DNAH17: variants seen among roughly 807,000 people sequenced by gnomAD.
DNAH17 encodes dynein axonemal heavy chain 17, also known as axonemal beta dynein heavy chain 17.
DNAH17 carries 376 observed loss-of-function variants against 485.6 expected under a neutral mutation model. That is an observed-to-expected ratio of 0.77 (90% CI 0.71 to 0.84). The LOEUF is 0.84. Ranked by LOEUF, DNAH17 falls within the 40% of genes least tolerant of loss-of-function variation. The pLI is 0.00. For synonymous variants in DNAH17, 3,031 were observed against 2,405.9 expected (o/e 1.26, Z -7.60); for missense variants, 6,370 against 5,839.3 (o/e 1.09, Z -2.96).
rs148600049 is a variant in DNAH17, at chr17:78,506,134, T to A, written c.4803+586A>T. ...AAAATGCAAGCGCTTTCCCTTCACC[T>A]AGTTAATTTTTTTTTTTTTTTTTTG... is the stretch of plus-strand genomic sequence containing the variant. On this transcript the variant is annotated intron_variant, in intron 30 of 80. Coordinates refer to ENST00000389840, the MANE Select transcript of DNAH17 (RefSeq NM_173628.4). Among the ~76,000 whole-genome samples the A allele has an allele frequency of 9.5e-5, 8 of 84,108 alleles. 2 individuals are homozygous for A. Among genetic ancestry groups the A allele is most frequent in the Non-Finnish European group, 4.6e-5 (2 of 43,022 alleles). 55.2% of individuals were successfully genotyped at this position (84,108 alleles called of 152,430 possible). A position where few individuals can be genotyped will look rare whatever the true frequency, so the allele number is the denominator to read the frequency against.
chr17:78,568,310 A>T (rs1245077158), intron 9 of DNAH17, among the ~76,000 whole-genome samples: 1 of 151,972 alleles, frequency 6.6e-6, no homozygotes, highest in African/African-American at 2.4e-5. Context: ...TGCAATTTTG[A>T]ACTCCTGAGC....
At chr17:78,455,148 G>A (rs879368487) in intron 63 of DNAH17, among the ~76,000 whole-genome samples, 88 of 151,908 alleles carry the variant, frequency 5.8e-4, no homozygotes, top group Admixed American at 1.9e-3. Context: ...GACCTCAGGT[G>A]ATCTGCCTGC....
intron 71 of DNAH17, among the ~76,000 whole-genome samples, chr17:78,442,475 G>C (rs2087112221): frequency 6.6e-6 from 1 of 152,206 alleles, no homozygotes; most frequent in Non-Finnish European, 1.5e-5. Flanking sequence ...AATGGCCTCA[G>C]ACCCTAGATG....
intron 34 of DNAH17, 159 bp from the exon 35 acceptor site, chr17:78,501,503 C>A (rs958913858): frequency 2.0e-6 from 2 of 1,016,496 alleles, no homozygotes; most frequent in African/African-American, 1.6e-5. Flanking sequence ...GTATGGCCAC[C>A]CTCAGTGGAA....
At position 78,545,467 on chromosome 17, in the gene DNAH17, G is replaced by A. The variant is rs1015664472; in HGVS notation, c.2392-1470C>T. ...GTTCCAGGTGAGGGCTCTCTTCCTG[G>A]TGGGCAGATGATGATGGCCGCCTTC... On this transcript the variant is annotated intron_variant, in intron 16 of 80. Coordinates refer to ENST00000389840, the MANE Select transcript of DNAH17 (RefSeq NM_173628.4). Among the ~76,000 whole-genome samples, 5 of 152,170 alleles carry A rather than the reference G, an allele frequency of 3.3e-5. No individual in the cohort carries two copies. The East Asian group carries it at 5.8e-4, about 18-fold the overall frequency.
rs372690220 is a variant in DNAH17 at position 78,486,061 on chromosome 17, C to T, written c.7174G>A (p.Gly2392Arg). 6.2e-7 allele frequency: 1 copy of T among 1,613,750 alleles called. No homozygotes were observed. Among genetic ancestry groups the T allele is most frequent in the Non-Finnish European group, 8.5e-7 (1 of 1,179,884 alleles). Residue 2392 changes from glycine to arginine, a missense_variant, in exon 46 of 81, where the codon GGA (glycine) becomes AGA (arginine). Physicochemically the swap from Gly to Arg is moderately radical, Grantham distance 125. Coordinates refer to ENST00000389840, the MANE Select transcript of DNAH17 (RefSeq NM_173628.4). ...TCAATGTAGTAGTCAAAAATCGTTC[C>T]CTGCGAGGGGAACTTGATAGTCTTG... is the stretch of plus-strand genomic sequence containing the variant. ...EFKTIKFPSQ[G>R]TIFDYYIDPD...
chr17:78,519,181 A>G (rs1461410206), intron 25 of DNAH17, among the ~76,000 whole-genome samples: 13 of 151,124 alleles, frequency 8.6e-5, no homozygotes, highest in African/African-American at 2.9e-4. Flanking sequence ...AAAAAAAAAA[A>G]AAAAAAAAAA....
Position 78,530,323 on chromosome 17 carries a change from G to T in DNAH17, c.3284+20C>A. The stretch of plus-strand genomic sequence containing the variant: ...TCTGCACATTCCTTGGGCTCCCCGA[G>T]TACATGGCTGGGGACCCACCTGTTG... On this transcript the variant is annotated intron_variant, in intron 21 of 80. Coordinates refer to ENST00000389840, the MANE Select transcript of DNAH17 (RefSeq NM_173628.4). The T allele has an allele frequency of 1.3e-6, 2 of 1,593,550 alleles. No homozygotes were observed. Among genetic ancestry groups the T allele is most frequent in the Non-Finnish European group, 1.7e-6 (2 of 1,165,812 alleles).
At position 78,504,090 on chromosome 17, in the gene DNAH17, A is replaced by G. The variant is rs565436096; in HGVS notation, c.4957-1079T>C. On this transcript the variant is annotated intron_variant, in intron 31 of 80. Coordinates refer to ENST00000389840, the MANE Select transcript of DNAH17 (RefSeq NM_173628.4). Reference sequence around the variant, plus strand: ...GGGTAGATTTTTTTTTTTGGAGATGAAGTCTCACTCTATTACCCAGACTGG... The same window carrying G: ...GGGTAGATTTTTTTTTTTGGAGATGGAGTCTCACTCTATTACCCAGACTGG... Among the ~76,000 whole-genome samples, 58 of 150,952 alleles carry G rather than the reference A, an allele frequency of 3.8e-4. No homozygotes were observed. The South Asian group carries it at 4.0e-3, about 10-fold the overall frequency.
chr17:78,550,921 T>C (rs1024001744), intron 16 of DNAH17, among the ~76,000 whole-genome samples: 9 of 152,158 alleles, frequency 5.9e-5, no homozygotes, highest in African/African-American at 2.2e-4. Flanking sequence ...TTCCCGTCAA[T>C]TGAAAATTGA....
At position 78,560,177 on chromosome 17, in the gene DNAH17, A is replaced by G. The variant is rs150390220; in HGVS notation, c.2031+563T>C. On this transcript the variant is annotated intron_variant, in intron 13 of 80. Transcript: ENST00000389840. ...AGCTCTCTGACTGTCTGGATCACTA[A>G]TTTATCCCAAGCACATACATGTAGT... 1.9e-3 allele frequency among the ~76,000 whole-genome samples: 290 copies of G among 152,298 alleles called. 1 individual carries two copies. The highest frequency in any genetic ancestry group is 6.8e-3 in the African/African-American group (281 of 41,558).
intron 56 of DNAH17, among the ~76,000 whole-genome samples, chr17:78,463,426 A>G (rs919551533): frequency 1.9e-4 from 28 of 149,760 alleles, no homozygotes; most frequent in African/African-American, 7.1e-4. Context: ...ACCTGCATAT[A>G]TACACGTGCA....
chr17:78,526,862 C>G lies in DNAH17; in HGVS notation c.3624+18G>C, dbSNP rs1241777968. On this transcript the variant is annotated intron_variant, in intron 23 of 80. Transcript: ENST00000389840. The stretch of plus-strand genomic sequence containing the variant: ...GCTGCTCCCCGGAAATCCCGCCACC[C>G]TGCCCCAGGTATAATACCTCGAATT... The G allele has an allele frequency of 6.4e-7, 1 of 1,561,916 alleles. No individual in the cohort carries two copies. Among genetic ancestry groups the G allele is most frequent in the Admixed American group, 1.9e-5 (1 of 51,930 alleles).
At chr17:78,568,371 C>G (rs1398339009) in intron 9 of DNAH17, among the ~76,000 whole-genome samples, 4 of 152,090 alleles carry the variant, frequency 2.6e-5, no homozygotes, top group Non-Finnish European at 5.9e-5. Flanking sequence ...CTGGACAAGC[C>G]TCTCCCAAGC....
intron 44 of DNAH17, among the ~76,000 whole-genome samples, chr17:78,487,969 C>T (rs2089685628): frequency 6.6e-6 from 1 of 152,228 alleles, no homozygotes; most frequent in African/African-American, 2.4e-5. Flanking sequence ...TTCTATGTCC[C>T]TAAGCGAATC....
rs763513843 is a variant in DNAH17, at chr17:78,453,367, C to A, written c.10505G>T (p.Gly3502Val). The A allele has an allele frequency of 2.5e-6, 4 of 1,613,450 alleles. No homozygotes were observed. The Admixed American group carries it at 5.0e-5, about 20-fold the overall frequency. Reference sequence around the variant, plus strand: ...CTTTCCCTTTTTAATCGTGTTCCTGCCCAGTAGAGGGTCCAGCACGGGGTC... The same window carrying A: ...CTTTCCCTTTTTAATCGTGTTCCTGACCAGTAGAGGGTCCAGCACGGGGTC... ...TVDPVLDPLL[G>V]RNTIKKGKYI... The change falls in exon 65 of 81, where the codon GGC (glycine) becomes GTC (valine). Residue 3502 changes from glycine to valine, a missense_variant. Transcript: ENST00000389840.
rs549846049 is a variant in DNAH17 at position 78,500,413 on chromosome 17, G to T, written c.5532C>A (p.Ala1844=). 15 of 1,609,736 alleles carry T rather than the reference G, an allele frequency of 9.3e-6. No individual in the cohort carries two copies. In the East Asian group the frequency reaches 1.1e-4, roughly 12 times the overall value. ...TQSLHLIMGG[A]PAGPAGTGKT... ...TGCCGGTCCCAGCGGGGCCGGCAGG[G>T]GCTCCACCCATGATGAGATGGAGGG... Residue 1844 remains alanine, a synonymous_variant, in exon 36 of 81, where the codon GCC becomes GCA. Transcript: ENST00000389840.
rs765899184 is a variant in DNAH17 at position 78,574,839 on chromosome 17, C to A, written c.219G>T (p.Lys73Asn). ...TCTTGATGAAGTAAACCCCTTTGGA[C>A]TTGAGGGACTGGGGGAAGCCCAGGC... The part of the protein sequence containing the change: ...IPCLGFPQSL[K>N]SKGVYFIKTK... The change falls in exon 2 of 81, where the codon AAG (lysine) becomes AAT (asparagine). Residue 73 changes from lysine to asparagine, a missense_variant. Lys to Asn is a moderately conservative substitution (Grantham distance 94, BLOSUM62 0). Coordinates refer to ENST00000389840, the MANE Select transcript of DNAH17 (RefSeq NM_173628.4). The A allele has an allele frequency of 2.5e-6, 4 of 1,613,992 alleles. No individual in the cohort carries two copies.
chr17:78,482,044 TC>T (rs969317608), intron 48 of DNAH17, among the ~76,000 whole-genome samples: 1 of 151,040 alleles, frequency 6.6e-6, no homozygotes, highest in Non-Finnish European at 1.5e-5. Flanking sequence ...CTGAATAATT[TC>T]CTTGATGTCA....
Sources: gnomAD v4.1 joint callset for allele counts (sites outside exome capture counted in the v4.1 genomes callset) on GRCh38, gnomAD v4.1.1 for gene constraint, MANE v1.5 for transcripts, NCBI Gene and HGNC (gene_info 2026-07-23, HGNC 2026-07-21) for gene names.